The following TBC1D30 variants were observed in gnomAD, a reference collection of about 807,000 sequenced individuals.
The protein encoded by TBC1D30 is TBC1 domain family member 30.
In TBC1D30, 31 loss-of-function variants were observed where a neutral mutation model predicts 63.2. That is an observed-to-expected ratio of 0.49 (90% confidence interval 0.37 to 0.66). The LOEUF is 0.66. Ranked by LOEUF, TBC1D30 falls within the 30% of genes least tolerant of loss-of-function variation. The pLI is 0.00. For synonymous variants in TBC1D30, 307 were observed against 361.5 expected (o/e 0.85, Z 1.71); for missense variants, 810 against 953.6 (o/e 0.85, Z 1.98).
chr12:64,811,591 C>T (rs1873223106), intron 2 of TBC1D30, among the ~76,000 whole-genome samples: 2 of 152,188 alleles, frequency 1.3e-5, no homozygotes, highest in South Asian at 4.1e-4. Flanking sequence ...TCACCAAGCC[C>T]CATCCCACTG....
intron 7 of TBC1D30, among the ~76,000 whole-genome samples, chr12:64,839,988 G>C (rs984647065): frequency 1.9e-5 from 2 of 107,418 alleles, no homozygotes; most frequent in African/African-American, 5.4e-5. Flanking sequence ...CTGGACGACA[G>C]AGCAAGACTC....
At chr12:64,764,700 T>C (rs1870641244) in intron 1 of TBC1D30, among the ~76,000 whole-genome samples, 2 of 152,078 alleles carry the variant, frequency 1.3e-5, no homozygotes, top group South Asian at 2.1e-4. Context: ...GAGATCAAAG[T>C]TGAGGGAGAT....
At position 64,824,842 on chromosome 12, in the gene TBC1D30, A is replaced by T. The variant is rs758759728; in HGVS notation, c.-38A>T. On this transcript the variant is annotated 5_prime_UTR_variant, in exon 1 of 12. Coordinates refer to ENST00000539867, the MANE Select transcript of TBC1D30 (RefSeq NM_015279.2). Reference sequence around the variant, plus strand: ...AGCGAGTGGGGTAGCGGGGACCGAGACGGACGGTAGCCGTGCCAGAGCCCG... The same window carrying T: ...AGCGAGTGGGGTAGCGGGGACCGAGTCGGACGGTAGCCGTGCCAGAGCCCG... 2 of 1,526,578 alleles carry T rather than the reference A, an allele frequency of 1.3e-6. No homozygotes were observed. The highest frequency in any genetic ancestry group is 2.4e-5 in the South Asian group (2 of 82,944). The allele number at this position is 1,526,578 out of a possible 1,614,324, so 94.6% of individuals were successfully genotyped here.
chr12:64,767,805 G>GGGGGGGGGT (rs1870774095), intron 1 of TBC1D30, among the ~76,000 whole-genome samples: 1 of 122,130 alleles, frequency 8.2e-6, no homozygotes. Flanking sequence ...GGGGGGAGGG[G>GGGGGGGGGT]GGGGAGATAG....
intron 8 of TBC1D30, among the ~76,000 whole-genome samples, chr12:64,857,572 A>G (rs1051750848): frequency 6.6e-5 from 10 of 152,010 alleles, no homozygotes; most frequent in African/African-American, 2.4e-4. Context: ...GGGATGGCGC[A>G]AGCCCTCCCA....
chr12:64,829,225 T>A (rs1230423555), intron 3 of TBC1D30, among the ~76,000 whole-genome samples: 1 of 152,122 alleles, frequency 6.6e-6, no homozygotes, highest in Non-Finnish European at 1.5e-5. Flanking sequence ...ATGAACGGGC[T>A]ACTCTGGGTA....
Position 64,790,830 on chromosome 12 carries a change from G to A in TBC1D30, c.643+4785G>A, listed in dbSNP as rs1431928285. Among the ~76,000 whole-genome samples, 9 of 152,148 alleles carry A rather than the reference G, an allele frequency of 5.9e-5. No homozygotes were observed. In the East Asian group the frequency reaches 1.5e-3, roughly 26 times the overall value. On this transcript the variant is annotated intron_variant, in intron 2 of 12. Coordinates refer to the TBC1D30 transcript ENST00000542120. ...TGTGGCAGGAAAAAGAATTTGTGTG[G>A]TCCTGAGTTTGGTGGCACTAAAACT...
Position 64,795,704 on chromosome 12 carries a change from C to CTTTTTTTTTTTTTTTTTTT in TBC1D30, c.643+9674_643+9675insTTTTTTTTTTTTTTTTTTT, listed in dbSNP as rs1200673199. Among the ~76,000 whole-genome samples the CTTTTTTTTTTTTTTTTTTT allele has an allele frequency of 2.3e-5, 3 of 133,128 alleles. 1 individual carries two copies. The highest frequency in any genetic ancestry group is 4.9e-5 in the Non-Finnish European group (3 of 61,400). 87.3% of individuals were successfully genotyped at this position (133,128 alleles called of 152,430 possible). On this transcript the variant is annotated intron_variant, in intron 2 of 12. Transcript: ENST00000542120. ...AAATTCATTGCTGTTCTCCACGCTC[C>CTTTTTTTTTTTTTTTTTTT]TTTTTTTTTTTTTTTGTCCTTCACT...
chr12:64,858,017 C>T (rs56075625), intron 8 of TBC1D30, among the ~76,000 whole-genome samples: 10,931 of 152,256 alleles, frequency 0.072, 759 homozygotes, highest in African/African-American at 0.18. Flanking sequence ...CTCTCCTTCC[C>T]TTCTCAATGC....
upstream of TBC1D30, among the ~76,000 whole-genome samples, chr12:64,823,388 A>G (rs1182031924): frequency 1.3e-5 from 2 of 152,180 alleles, no homozygotes; most frequent in South Asian, 2.1e-4. Context: ...TTCTTATGCT[A>G]TAAGTGGGAT....
exon 1 of TBC1D30, chr12:64,781,228 G>T: frequency 8.8e-7 from 1 of 1,140,666 alleles, no homozygotes; most frequent in East Asian, 1.0e-4. Flanking sequence ...CCCGCGTGCT[G>T]CAGGAGCTGC....
At chr12:64,836,185 A>G (rs1875330202) in intron 5 of TBC1D30, among the ~76,000 whole-genome samples, 1 of 152,210 alleles carries the variant, frequency 6.6e-6, no homozygotes, top group Admixed American at 6.5e-5. Context: ...GTCATTTCTC[A>G]GAATGACGCT....
intron 1 of TBC1D30, among the ~76,000 whole-genome samples, chr12:64,770,624 C>T (rs1278976147): frequency 1.3e-5 from 2 of 152,138 alleles, no homozygotes; most frequent in East Asian, 1.9e-4. Context: ...TGCTGGACTT[C>T]CTAGCTTGGC....
At chr12:64,783,637 G>A (rs1412908495) in intron 1 of TBC1D30, among the ~76,000 whole-genome samples, 1 of 151,614 alleles carries the variant, frequency 6.6e-6, no homozygotes, top group Admixed American at 6.6e-5. Context: ...AGATATTGCT[G>A]TAAAAGACAT....
chr12:64,766,717 T>C (rs377572212), intron 1 of TBC1D30, among the ~76,000 whole-genome samples: 1 of 152,124 alleles, frequency 6.6e-6, no homozygotes, highest in Non-Finnish European at 1.5e-5. Context: ...TCTACAGAAC[T>C]CTCCACCCAA....
rs1879397993 is a variant in TBC1D30 at position 64,880,562 on chromosome 12, CA to C, written c.*4775del. The C allele has an allele frequency of 6.6e-6, 1 of 152,256 alleles. No homozygotes were observed. Among genetic ancestry groups the C allele is most frequent in the Non-Finnish European group, 1.5e-5 (1 of 68,064 alleles). The allele number at this position is 152,256 out of a possible 1,614,324, so 9.4% of individuals were successfully genotyped here. Reference sequence around the variant, plus strand: ...CCTCTTCTGATAAGGGCACTAACCTCATCATGAGGGTCCCATCCTCCTGGTG... The same window carrying C: ...CCTCTTCTGATAAGGGCACTAACCTCTCATGAGGGTCCCATCCTCCTGGTG... On this transcript the variant is annotated 3_prime_UTR_variant, in exon 12 of 12. Coordinates refer to ENST00000539867, the MANE Select transcript of TBC1D30 (RefSeq NM_015279.2).
chr12:64,772,186 G>A (rs1203570430), intron 1 of TBC1D30, among the ~76,000 whole-genome samples: 3 of 145,676 alleles, frequency 2.1e-5, no homozygotes, highest in Admixed American at 7.0e-5. Flanking sequence ...GTGGTGAGCC[G>A]AGATCGTGCC....
intron 8 of TBC1D30, among the ~76,000 whole-genome samples, chr12:64,856,732 G>A (rs1340331891): frequency 2.6e-5 from 4 of 152,128 alleles, no homozygotes; most frequent in Non-Finnish European, 5.9e-5. Context: ...TGGGGGCCAG[G>A]GATTGGAGTT....
At chr12:64,789,089 A>G (rs1182675253) in intron 2 of TBC1D30, among the ~76,000 whole-genome samples, 1 of 152,076 alleles carries the variant, frequency 6.6e-6, no homozygotes, top group African/African-American at 2.4e-5. Flanking sequence ...AGTTTGCAGA[A>G]GTTCAGATAA....
Sources: allele counts gnomAD v4.1 joint callset (sites outside exome capture counted in the v4.1 genomes callset), GRCh38; gene constraint gnomAD v4.1.1; transcripts MANE v1.5; gene names NCBI Gene and HGNC (gene_info 2026-07-23, HGNC 2026-07-21).